ZFYVE28: variants seen among roughly 807,000 people sequenced by gnomAD.
The protein encoded by ZFYVE28 is lateral signaling target protein 2 homolog.
ZFYVE28 carries 40 observed loss-of-function variants against 82.1 expected under a neutral mutation model. The ratio of observed to expected loss-of-function variants is 0.49; its 90% CI spans 0.38 to 0.63. The LOEUF is 0.63. Among genes scored for constraint, ZFYVE28 ranks in the 30% least tolerant of loss-of-function variants. The pLI is 0.00. For missense variants in ZFYVE28, 1,321 were observed against 1,242.1 expected, an observed-to-expected ratio of 1.06 and a Z score of -0.96; for synonymous variants, 612 against 546.1, an observed-to-expected ratio of 1.12 and a Z score of -1.68.
intron 6 of ZFYVE28, among the ~76,000 whole-genome samples, chr4:2,334,008 C>T (rs1411933261): frequency 6.6e-6 from 1 of 152,194 alleles, no homozygotes; most frequent in African/African-American, 2.4e-5. Flanking sequence ...CACCTTGTCG[C>T]TGGCCACTGG....
rs1379667649 is a variant in ZFYVE28, at chr4:2,418,260, G to T, written c.39+25C>A. ...AGGGAGAGGCCGCGACGCGGGGGGC[G>T]TCCGGCCCGAGCGGGGCCGCTCACC... On this transcript the variant is annotated intron_variant, in intron 1 of 12. Transcript: ENST00000290974. This position sits in a 1 kb window ranked among gnomAD's most constrained non-coding sequence, Gnocchi z 4.6. 1.3e-6 allele frequency: 2 copies of T among 1,533,450 alleles called. No individual in the cohort carries two copies. Among genetic ancestry groups the T allele is most frequent in the East Asian group, 2.6e-5 (1 of 38,688 alleles). 95.0% of individuals were successfully genotyped at this position (1,533,450 alleles called of 1,614,324 possible).
Position 2,416,065 on chromosome 4 carries a change from C to T in ZFYVE28, c.39+2220G>A, listed in dbSNP as rs941102688. 2.0e-5 allele frequency among the ~76,000 whole-genome samples: 3 copies of T among 152,216 alleles called. No homozygotes were observed. Among genetic ancestry groups the T allele is most frequent in the Non-Finnish European group, 4.4e-5 (3 of 68,036 alleles). ...GTTCCATCCCTTCTCCGGAGGCACA[C>T]AGCTCTGGGCTGATCCCTGGGATCA... On this transcript the variant is annotated intron_variant, in intron 1 of 12. Coordinates refer to ENST00000290974, the MANE Select transcript of ZFYVE28 (RefSeq NM_020972.3). The surrounding 1 kb of genome is among the most constrained non-coding windows in gnomAD (Gnocchi z 4.6).
At chr4:2,346,471 A>C (rs1723614198) in intron 2 of ZFYVE28, among the ~76,000 whole-genome samples, 1 of 152,180 alleles carries the variant, frequency 6.6e-6, no homozygotes, top group Non-Finnish European at 1.5e-5. Context: ...GTAAATATAC[A>C]AGATCCTTTT....
At chr4:2,383,943 TCA>T (rs1415708414) in intron 1 of ZFYVE28, among the ~76,000 whole-genome samples, 6 of 152,284 alleles carry the variant, frequency 3.9e-5, no homozygotes, top group Admixed American at 1.3e-4. Context: ...GGGTCATCAC[TCA>T]CAGTCTCTCT....
chr4:2,374,606 C>T (rs964038528), intron 1 of ZFYVE28, among the ~76,000 whole-genome samples: 5 of 151,194 alleles, frequency 3.3e-5, no homozygotes, highest in Non-Finnish European at 7.4e-5. Context: ...AGAGTGAGAC[C>T]CTGTTTCAAA....
intron 6 of ZFYVE28, among the ~76,000 whole-genome samples, chr4:2,326,314 T>C (rs929016629): frequency 1.3e-5 from 2 of 152,236 alleles, no homozygotes; most frequent in African/African-American, 2.4e-5. Flanking sequence ...GAAGAGGCTG[T>C]CCTTGTCTTC....
At chr4:2,293,268 C>T (rs1033556303) in intron 8 of ZFYVE28, among the ~76,000 whole-genome samples, 4 of 152,018 alleles carry the variant, frequency 2.6e-5, no homozygotes, top group East Asian at 1.9e-4. Context: ...TTTCATTCGA[C>T]GTTATACTGG....
Position 2,310,330 on chromosome 4 carries a change from T to C in ZFYVE28, c.804-4794A>G, listed in dbSNP as rs139323239. Among the ~76,000 whole-genome samples the C allele has an allele frequency of 3.7e-3, 563 of 152,332 alleles. 3 individuals are homozygous for C. The highest frequency in any genetic ancestry group is 0.013 in the African/African-American group (546 of 41,586). ...CTGGGATTACAAGTGTGAGCCACTG[T>C]GCCCAGATATATTTCTCTTGGTCAT... On this transcript the variant is annotated intron_variant, in intron 7 of 12. Transcript: ENST00000290974.
At chr4:2,356,195 C>T (rs1177421062) in intron 1 of ZFYVE28, among the ~76,000 whole-genome samples, 1 of 152,206 alleles carries the variant, frequency 6.6e-6, no homozygotes, top group Non-Finnish European at 1.5e-5. Context: ...ACGAGGCCAT[C>T]CACTGCCCCC....
intron 7 of ZFYVE28, among the ~76,000 whole-genome samples, chr4:2,312,746 A>C (rs931039878): frequency 6.7e-6 from 1 of 149,998 alleles, no homozygotes; most frequent in Non-Finnish European, 1.5e-5. Context: ...AAAAAAAAAA[A>C]AAAAAGAAGT....
At chr4:2,371,379 G>C (rs1727534382) in intron 1 of ZFYVE28, among the ~76,000 whole-genome samples, 1 of 152,222 alleles carries the variant, frequency 6.6e-6, no homozygotes, top group East Asian at 1.9e-4. Flanking sequence ...AGATGATTAA[G>C]ACGATTCCAT....
At chr4:2,270,993 G>A in intron 12 of ZFYVE28, 137 bp from the exon 13 acceptor site, 15 of 1,336,720 alleles carry the variant, frequency 1.1e-5, no homozygotes, top group Non-Finnish European at 1.5e-5. Flanking sequence ...GCTGCCAGGG[G>A]TTGTGACCTT....
intron 1 of ZFYVE28, among the ~76,000 whole-genome samples, chr4:2,375,085 A>T (rs1438454661): frequency 6.6e-6 from 1 of 152,178 alleles, no homozygotes; most frequent in African/African-American, 2.4e-5. Context: ...TCCAGTACAA[A>T]GCTCTGAAAG....
At chr4:2,296,739 C>A (rs1425697587) in intron 8 of ZFYVE28, among the ~76,000 whole-genome samples, 1 of 152,180 alleles carries the variant, frequency 6.6e-6, no homozygotes, top group Non-Finnish European at 1.5e-5. Flanking sequence ...GCGGCACCTG[C>A]TGCTCAAGGT....
Position 2,331,052 on chromosome 4 carries a change from G to A in ZFYVE28, c.701+4653C>T, listed in dbSNP as rs766007847. On this transcript the variant is annotated intron_variant, in intron 6 of 12. Transcript: ENST00000290974. Reference sequence around the variant, plus strand: ...GGGATGGGCTGGAAGGAGGGGGCTGGGGAGGAAGGCAGGGGTAGACGCTGG... The same window carrying A: ...GGGATGGGCTGGAAGGAGGGGGCTGAGGAGGAAGGCAGGGGTAGACGCTGG... 91 of 1,480,432 alleles carry A rather than the reference G, an allele frequency of 6.1e-5. 1 individual carries two copies. In the South Asian group the frequency reaches 1.1e-3, roughly 18 times the overall value. 91.7% of individuals were successfully genotyped at this position (1,480,432 alleles called of 1,614,324 possible). A position where few individuals can be genotyped will look rare whatever the true frequency, so the allele number is the denominator to read the frequency against.
intron 2 of ZFYVE28, among the ~76,000 whole-genome samples, chr4:2,346,110 C>T (rs1262576616): frequency 8.1e-5 from 12 of 148,498 alleles, no homozygotes; most frequent in Middle Eastern, 3.4e-3. Flanking sequence ...GGGTGGATCA[C>T]AAGGTCAGGA....
chr4:2,390,867 C>A (rs1324407914), intron 1 of ZFYVE28, among the ~76,000 whole-genome samples: 1 of 152,264 alleles, frequency 6.6e-6, no homozygotes, highest in Non-Finnish European at 1.5e-5. Flanking sequence ...ACCCTGCATG[C>A]TGCCTTGGTC....
rs375205739 is a variant in ZFYVE28 at position 2,418,341 on chromosome 4, C to A, written c.-18G>T. 2.5e-5 allele frequency: 37 copies of A among 1,500,100 alleles called. No homozygotes were observed. Among genetic ancestry groups the A allele is most frequent in the Non-Finnish European group, 2.9e-5 (33 of 1,121,628 alleles). 92.9% of individuals were successfully genotyped at this position (1,500,100 alleles called of 1,614,324 possible). A position where few individuals can be genotyped will look rare whatever the true frequency, so the allele number is the denominator to read the frequency against. The stretch of plus-strand genomic sequence containing the variant: ...TTCATCATCGCCGCGCCGGCCCTGG[C>A]CGGACTCCGGGCGGCCCTCGCCCTC... On this transcript the variant is annotated 5_prime_UTR_variant, in exon 1 of 13. Coordinates refer to ENST00000290974, the MANE Select transcript of ZFYVE28 (RefSeq NM_020972.3). This position sits in a 1 kb window ranked among gnomAD's most constrained non-coding sequence, Gnocchi z 4.6.
Position 2,312,555 on chromosome 4 carries a change from C to T in ZFYVE28, c.804-7019G>A, listed in dbSNP as rs896350389. Among the ~76,000 whole-genome samples, 5 of 151,580 alleles carry T rather than the reference C, an allele frequency of 3.3e-5. No individual in the cohort carries two copies. The East Asian group carries it at 7.8e-4, about 24-fold the overall frequency. ...CATCCCGGCTAACATGGTGAAACCCCGTCACTACTAAAAATACAAAAAATT... is the reference window on the plus strand; with the variant it reads ...CATCCCGGCTAACATGGTGAAACCCTGTCACTACTAAAAATACAAAAAATT... On this transcript the variant is annotated intron_variant, in intron 7 of 12. Transcript: ENST00000290974.
Sources: allele counts gnomAD v4.1 joint callset (sites outside exome capture counted in the v4.1 genomes callset), GRCh38; gene constraint gnomAD v4.1.1; non-coding constraint Gnocchi (gnomAD v3.1); transcripts MANE v1.5; gene names NCBI Gene and HGNC (gene_info 2026-07-23, HGNC 2026-07-21).